The following KRT9 variants were observed in gnomAD, a reference collection of about 807,000 sequenced individuals.
The protein encoded by KRT9 is keratin 9, also known as keratin, type I cytoskeletal 9.
In KRT9, 34 loss-of-function variants were observed where a neutral mutation model predicts 51.4. The observed-to-expected ratio is 0.66, with a 90% CI of 0.50 to 0.88. The LOEUF (loss-of-function observed/expected upper bound fraction) is 0.88. KRT9 is among the 40% of genes least tolerant of loss of function. The probability of loss-of-function intolerance (pLI) is 0.00; values close to 1 mark genes in which losing one functional copy is unlikely to be tolerated. For synonymous variants in KRT9, 292 were observed against 289.7 expected, an observed-to-expected ratio of 1.01 and a Z score of -0.08; for missense variants, 753 against 790.3, an observed-to-expected ratio of 0.95 and a Z score of 0.57.
chr17:41,566,986 A>C (rs1463903285), intron 7 of KRT9, among the ~76,000 whole-genome samples: 1 of 152,134 alleles, frequency 6.6e-6, no homozygotes, highest in African/African-American at 2.4e-5. Flanking sequence ...ATAATGCACA[A>C]TTTTCAACCC....
chr17:41,570,008 T>G lies in KRT9; in HGVS notation c.733A>C (p.Met245Leu). ...TLDDFRIKFE[M>L]EQNLRQGVDA... ...ACTCCTTGCCGCAGGTTTTGCTCCA[T>G]CTCAAACCTGCAGACCAGCCAGGGT... Residue 245 changes from methionine to leucine, a missense_variant, in exon 3 of 8, where the codon ATG (methionine) becomes CTG (leucine). Met to Leu is a conservative substitution (Grantham distance 15). Around this residue, in one of 3 missense-constraint regions of KRT9, gnomAD observed 507 missense variants for 563.7 expected, o/e 0.90. Transcript: ENST00000246662. The G allele has an allele frequency of 6.2e-7, 1 of 1,614,084 alleles. No individual in the cohort carries two copies. The highest frequency in any genetic ancestry group is 8.5e-7 in the Non-Finnish European group (1 of 1,180,020).
In KRT9 at chr17:41,571,757, C is replaced by A; in HGVS notation, c.236G>T (p.Gly79Val). The A allele has an allele frequency of 6.2e-7, 1 of 1,613,752 alleles. No homozygotes were observed. The highest frequency in any genetic ancestry group is 2.2e-5 in the East Asian group (1 of 44,848). ...GCCTAAACTACTGGCACTAAAACCA[C>A]CCCCAGATCCTCCGCCGTAGCTGTA... ...FGYSYGGGSG[G>V]GFSASSLGGG... The change falls in exon 1 of 8, where the codon GGT becomes GTT. Residue 79 changes from glycine to valine, a missense_variant. Transcript: ENST00000246662.
chr17:41,568,042 C>G (rs1210578176), intron 6 of KRT9, 120 bp downstream of exon 6: 1 of 1,019,940 alleles, frequency 9.8e-7, no homozygotes, highest in Non-Finnish European at 1.5e-6. Flanking sequence ...ATGAAGAAGT[C>G]CTCAACCCAT....
chr17:41,567,459 A>C lies in KRT9; in HGVS notation c.1686T>G (p.Ser562Arg). 4 of 1,544,340 alleles carry C rather than the reference A, an allele frequency of 2.6e-6. No homozygotes were observed. Among genetic ancestry groups the C allele is most frequent in the Non-Finnish European group, 3.5e-6 (4 of 1,146,034 alleles). Reference protein sequence around the residue: ...GGSGGNYGGGSGSGGGSGGGY... With the variant: ...GGSGGNYGGGRGSGGGSGGGY... ...CACCCCCACTTCCTCCTCCAGAGCC[A>C]CTTCCTCCTCCATAGTTGCCCCCAC... The change falls in exon 7 of 8, where the codon AGT becomes AGG. Residue 562 changes from serine to arginine, a missense_variant. By Grantham distance (110) the Ser-to-Arg change is moderately radical. This residue lies in a region of KRT9 where 507 missense variants were observed against 563.7 expected (regional missense o/e 0.90). Coordinates refer to ENST00000246662, the MANE Select transcript of KRT9 (RefSeq NM_000226.4).
intron 7 of KRT9, among the ~76,000 whole-genome samples, chr17:41,566,971 T>G (rs1296287505): frequency 6.6e-6 from 1 of 152,218 alleles, no homozygotes; most frequent in Non-Finnish European, 1.5e-5. Flanking sequence ...ATAGCGTGTG[T>G]CATGATAATG....
In KRT9 at chr17:41,571,817, C is replaced by G. The variant is rs778678852; in HGVS notation, c.176G>C (p.Arg59Pro). ...GCCACCGCCTCCCCTCCCACAGACA[C>G]GAGAGCTTCCCCCACCATAGCCACT... ...SSSGYGGGSSRVCGRGGGGSF... is the reference protein window; with the variant it reads ...SSSGYGGGSSPVCGRGGGGSF... Residue 59 changes from arginine to proline, a missense_variant, in exon 1 of 8, where the codon CGT becomes CCT. Arg to Pro is a moderately radical substitution (Grantham distance 103). Coordinates refer to ENST00000246662, the MANE Select transcript of KRT9 (RefSeq NM_000226.4). 6.2e-6 allele frequency: 10 copies of G among 1,613,154 alleles called. No homozygotes were observed. Among genetic ancestry groups the G allele is most frequent in the Non-Finnish European group, 8.5e-6 (10 of 1,179,530 alleles).
At chr17:41,567,865 G>A (rs1396856020) in intron 6 of KRT9, 115 bp from the exon 7 acceptor site, 3 of 1,561,544 alleles carry the variant, frequency 1.9e-6, no homozygotes, top group South Asian at 2.4e-5. Flanking sequence ...TCCTTCCTGG[G>A]AGGCAGAGGA....
chr17:41,571,455 C>T lies in KRT9; in HGVS notation c.538G>A (p.Asp180Asn), dbSNP rs763464432. Residue 180 changes from aspartate (D) to asparagine (N), a missense_variant, in exon 1 of 8, where the codon GAC becomes AAC. Physicochemically the swap from Asp to Asn is conservative, Grantham distance 23 (BLOSUM62 1). Transcript: ENST00000246662. ...KVQALEEANN[D>N]LENKIQDWYD... is the part of the protein sequence containing the mutation. ...CAATCCTGGATCTTATTCTCCAGGT[C>T]GTTGTTGGCCTCCTCTAGAGCCTGC... 1.2e-6 allele frequency: 2 copies of T among 1,614,008 alleles called. No individual in the cohort carries two copies. The highest frequency in any genetic ancestry group is 1.7e-6 in the Non-Finnish European group (2 of 1,179,982).
rs375389883 is a variant in KRT9 at position 41,567,451 on chromosome 17, C to T, written c.1694G>A (p.Gly565Glu). ...ACCATAGCCACCCCCACTTCCTCCT[C>T]CAGAGCCACTTCCTCCTCCATAGTT... ...GGNYGGGSGSGGGSGGGYGGG... is the reference protein window; with the variant it reads ...GGNYGGGSGSEGGSGGGYGGG... The change falls in exon 7 of 8, where the codon GGA (glycine) becomes GAA (glutamate). Residue 565 changes from glycine to glutamate, a missense_variant. Physicochemically the swap from Gly to Glu is moderately conservative, Grantham distance 98. This residue lies in a region of KRT9 where 507 missense variants were observed against 563.7 expected (regional missense o/e 0.90). Transcript: ENST00000246662. 30 of 1,554,692 alleles carry T rather than the reference C, an allele frequency of 1.9e-5. No individual in the cohort carries two copies. The highest frequency in any genetic ancestry group is 3.9e-5 in the Admixed American group (2 of 51,062).
rs370379756 is a variant in KRT9 at position 41,568,503 on chromosome 17, C to T, written c.1170+5G>A. 6 of 1,614,064 alleles carry T rather than the reference C, an allele frequency of 3.7e-6. No homozygotes were observed. The highest frequency in any genetic ancestry group is 5.1e-6 in the Non-Finnish European group (6 of 1,180,034). Reference sequence around the variant, plus strand: ...TGGCAAAGGGTCTATAGCAGAACTACCAACCTTGCTGAGCTGAGACTGCAG... The same window carrying T: ...TGGCAAAGGGTCTATAGCAGAACTATCAACCTTGCTGAGCTGAGACTGCAG... On this transcript the variant is annotated splice_donor_5th_base_variant and intron_variant, in intron 5 of 7. Transcript: ENST00000246662.
In KRT9 at chr17:41,569,488, G is replaced by C. The variant is rs774027107; in HGVS notation, c.982C>G (p.Gln328Glu). 3 of 1,614,050 alleles carry C rather than the reference G, an allele frequency of 1.9e-6. No individual in the cohort carries two copies. In the African/African-American group the frequency reaches 4.0e-5, roughly 22 times the overall value. Reference sequence around the variant, plus strand: ...TTAGCAATGAGCTGCTCATACTCCTGACGCATGTCATTGAGGGTCTTGGTG... The same window carrying C: ...TTAGCAATGAGCTGCTCATACTCCTCACGCATGTCATTGAGGGTCTTGGTG... The part of the protein sequence containing the change: ...DLTKTLNDMR[Q>E]EYEQLIAKNR... Residue 328 changes from glutamine (Q) to glutamate (E), a missense_variant, in exon 4 of 8, where the codon CAG becomes GAG. By Grantham distance (29) the Gln-to-Glu change is conservative. Coordinates refer to ENST00000246662, the MANE Select transcript of KRT9 (RefSeq NM_000226.4).
rs1906925418 is a variant in KRT9, at chr17:41,567,722, G to A, written c.1423C>T (p.Leu475Phe). The change falls in exon 7 of 8, where the codon CTT becomes TTT. Residue 475 changes from leucine to phenylalanine, a missense_variant. By Grantham distance (22) the Leu-to-Phe change is conservative. This residue lies in a region of KRT9 where 507 missense variants were observed against 563.7 expected (regional missense o/e 0.90). Transcript: ENST00000246662. ...CCTCCACTTCCTCCTCGACCTCCAA[G>A]GCCAATTTTTCCAGCTCCGGAGGAT... ...FESSGAGKIG[L>F]GGRGGSGGSY... 1.2e-6 allele frequency: 2 copies of A among 1,614,066 alleles called. No homozygotes were observed. The highest frequency in any genetic ancestry group is 1.3e-5 in the African/African-American group (1 of 74,916).
In KRT9 at chr17:41,569,424, A is replaced by G; in HGVS notation, c.1044+2T>C. 6.2e-7 allele frequency: 1 copy of G among 1,613,882 alleles called. No homozygotes were observed. The highest frequency in any genetic ancestry group is 8.5e-7 in the Non-Finnish European group (1 of 1,179,898). ...GATGAATGGGCAGCCCACTCTGCTC[A>G]CCTGAGTCTCATATTGATTCTCGAT... On this transcript the variant is annotated splice_donor_variant, in intron 4 of 7. Transcript: ENST00000246662. LOFTEE classifies it high-confidence loss of function.
At chr17:41,569,059 CTG>C (rs1555570900) in intron 4 of KRT9, among the ~76,000 whole-genome samples, 1 of 152,184 alleles carries the variant, frequency 6.6e-6, no homozygotes, top group Non-Finnish European at 1.5e-5. Flanking sequence ...GGGAGACACA[CTG>C]TATCCCTCTG....
In KRT9 at chr17:41,570,017, T is replaced by C. The variant is rs1203151958; in HGVS notation, c.726-2A>G. On this transcript the variant is annotated splice_acceptor_variant, in intron 2 of 7. Coordinates refer to ENST00000246662, the MANE Select transcript of KRT9 (RefSeq NM_000226.4). LOFTEE classifies it high-confidence loss of function. Reference sequence around the variant, plus strand: ...CGCAGGTTTTGCTCCATCTCAAACCTGCAGACCAGCCAGGGTTAGAAAACA... The same window carrying C: ...CGCAGGTTTTGCTCCATCTCAAACCCGCAGACCAGCCAGGGTTAGAAAACA... 1 of 1,614,128 alleles carries C rather than the reference T, an allele frequency of 6.2e-7. No individual in the cohort carries two copies. The highest frequency in any genetic ancestry group is 1.7e-5 in the Admixed American group (1 of 60,020).
In KRT9 at chr17:41,567,739, C is replaced by T; in HGVS notation, c.1406G>A (p.Gly469Glu). The change falls in exon 7 of 8, where the codon GGA becomes GAA. Residue 469 changes from glycine to glutamate, a missense_variant. Physicochemically the swap from Gly to Glu is moderately conservative, Grantham distance 98. Around this residue, in one of 3 missense-constraint regions of KRT9, gnomAD observed 507 missense variants for 563.7 expected, o/e 0.90. Transcript: ENST00000246662. ...ACCTCCAAGGCCAATTTTTCCAGCT[C>T]CGGAGGATTCACTAAGAAAGAAAGA... ...EGGQEDFESS[G>E]AGKIGLGGRG... 6.2e-7 allele frequency: 1 copy of T among 1,614,208 alleles called. No individual in the cohort carries two copies. The highest frequency in any genetic ancestry group is 8.5e-7 in the Non-Finnish European group (1 of 1,180,024).
In KRT9 at chr17:41,571,836, A is replaced by C. The variant is rs1484119263; in HGVS notation, c.157T>G (p.Tyr53Asp). 9 of 1,608,990 alleles carry C rather than the reference A, an allele frequency of 5.6e-6. No individual in the cohort carries two copies. The highest frequency in any genetic ancestry group is 1.1e-5 in the South Asian group (1 of 90,776). ...GGGRFSSSSGYGGGSSRVCGR... is the reference protein window; with the variant it reads ...GGGRFSSSSGDGGGSSRVCGR... ...CAGACACGAGAGCTTCCCCCACCAT[A>C]GCCACTAGAAGAGCTGAATCGGCCC... The change falls in exon 1 of 8, where the codon TAT becomes GAT. Residue 53 changes from tyrosine (Y) to aspartate (D), a missense_variant. Physicochemically the swap from Tyr to Asp is radical, Grantham distance 160. This residue lies in a region of KRT9 where 241 missense variants were observed against 210.3 expected (regional missense o/e 1.15). Coordinates refer to ENST00000246662, the MANE Select transcript of KRT9 (RefSeq NM_000226.4).
Position 41,572,054 on chromosome 17 carries a change from C to T in KRT9, c.-62G>A, listed in dbSNP as rs1907110972. The T allele has an allele frequency of 6.5e-7, 1 of 1,537,130 alleles. No homozygotes were observed. The highest frequency in any genetic ancestry group is 2.4e-5 in the East Asian group (1 of 41,376). ...TAGGAGTGCTACCGGCTCCCAAGTG[C>T]AGGGTACAGAGCTGTCCCTGGGGCT... On this transcript the variant is annotated 5_prime_UTR_variant, in exon 1 of 8. Transcript: ENST00000246662.
At chr17:41,568,094 A>G in intron 6 of KRT9, 68 bp downstream of exon 6, 1 of 1,350,784 alleles carries the variant, frequency 7.4e-7, no homozygotes, top group Non-Finnish European at 1.1e-6. Flanking sequence ...GCCTCTATCC[A>G]GAGGGACAGA....
Sources: gnomAD v4.1 joint callset for allele counts (sites outside exome capture counted in the v4.1 genomes callset) on GRCh38, gnomAD v4.1.1 for gene constraint, gnomAD v4.1.1 regional missense constraint, MANE v1.5 for transcripts, NCBI Gene and HGNC (gene_info 2026-07-23, HGNC 2026-07-21) for gene names.